The following PARD3 variants were observed in gnomAD, a reference collection of about 807,000 sequenced individuals.
PARD3 encodes the protein partitioning defective 3 homolog.
In PARD3, 75 loss-of-function variants were observed where a neutral mutation model predicts 155.4. The ratio of observed to expected loss-of-function variants is 0.48; its 90% CI spans 0.40 to 0.58. The LOEUF (loss-of-function observed/expected upper bound fraction) is 0.58. Among genes scored for constraint, PARD3 ranks in the 20% least tolerant of loss-of-function variants. The pLI is 0.00. For synonymous variants in PARD3, 576 were observed against 610.5 expected, an observed-to-expected ratio of 0.94 and a Z score of 0.83; for missense variants, 1,642 against 1,721.7, an observed-to-expected ratio of 0.95 and a Z score of 0.82.
At chr10:34,651,011 C>CAAAAAAAAAAAAAAAAAAAAAAAAAA (rs60113552) in intron 2 of PARD3, among the ~76,000 whole-genome samples, 3 of 44,546 alleles carry the variant, frequency 6.7e-5, no homozygotes, top group Non-Finnish European at 1.2e-4. Context: ...AACTCTGTCT[C>CAAAAAAAAAAAAAAAAAAAAAAAAAA]AAAAAAAAAA....
At chr10:34,343,119 GAAATAT>G (rs749136381) in intron 15 of PARD3, 261 of 169,032 alleles carry the variant, frequency 1.5e-3, no homozygotes, top group Non-Finnish European at 2.2e-3. Context: ...TATTAGCCAA[GAAATAT>G]TTCCTTCTCA....
chr10:34,121,530 C>A (rs926166403), intron 23 of PARD3, among the ~76,000 whole-genome samples: 2 of 152,224 alleles, frequency 1.3e-5, no homozygotes, highest in Non-Finnish European at 2.9e-5. Context: ...AGAGTCTGAA[C>A]ATTCATTTGG....
intron 5 of PARD3, among the ~76,000 whole-genome samples, chr10:34,446,990 C>G (rs2076772208): frequency 6.6e-6 from 1 of 151,972 alleles, no homozygotes; most frequent in Non-Finnish European, 1.5e-5. Context: ...ATTAATAAAG[C>G]AACTAAACCC....
chr10:34,414,912 C>T (rs1309121015), intron 5 of PARD3, among the ~76,000 whole-genome samples: 5 of 152,238 alleles, frequency 3.3e-5, no homozygotes, highest in African/African-American at 9.6e-5. Context: ...TATACCATAA[C>T]TCTTCCAGGG....
chr10:34,694,612 A>G (rs2094131670), intron 2 of PARD3, among the ~76,000 whole-genome samples: 2 of 151,444 alleles, frequency 1.3e-5, no homozygotes, highest in Non-Finnish European at 2.9e-5. Context: ...CTGGGACTAC[A>G]GGCACCCGCC....
intron 22 of PARD3, among the ~76,000 whole-genome samples, chr10:34,163,821 A>G (rs1482436645): frequency 6.6e-6 from 1 of 152,238 alleles, no homozygotes; most frequent in Non-Finnish European, 1.5e-5. Flanking sequence ...TTTTACAGCA[A>G]GGATCTACTG....
intron 1 of PARD3, among the ~76,000 whole-genome samples, chr10:34,720,158 C>T (rs1359809042): frequency 6.6e-6 from 1 of 152,200 alleles, no homozygotes; most frequent in African/African-American, 2.4e-5. Flanking sequence ...TGCAAACGGG[C>T]ACGGCGGCTC....
At chr10:34,204,088 C>T (rs1412798813) in intron 22 of PARD3, among the ~76,000 whole-genome samples, 1 of 152,138 alleles carries the variant, frequency 6.6e-6, no homozygotes. Flanking sequence ...TCTCACTTAG[C>T]AAATGGAAGG....
chr10:34,553,761 T>A (rs1482446334), intron 2 of PARD3, among the ~76,000 whole-genome samples: 1 of 152,166 alleles, frequency 6.6e-6, no homozygotes, highest in Non-Finnish European at 1.5e-5. Context: ...TCAAATTAGC[T>A]CAACACATAA....
chr10:34,693,525 T>G (rs1414050056), intron 2 of PARD3, among the ~76,000 whole-genome samples: 1 of 152,140 alleles, frequency 6.6e-6, no homozygotes, highest in East Asian at 1.9e-4. Context: ...ATGCATGATC[T>G]CACGTGGACA....
chr10:34,435,110 CTAATAT>C (rs2076122845), intron 5 of PARD3, among the ~76,000 whole-genome samples: 1 of 152,072 alleles, frequency 6.6e-6, no homozygotes, highest in South Asian at 2.1e-4. Context: ...CATTTGATAT[CTAATAT>C]TAATTTAATA....
chr10:34,701,404 A>T (rs1554815393), intron 1 of PARD3, among the ~76,000 whole-genome samples: 1 of 152,008 alleles, frequency 6.6e-6, no homozygotes, highest in Non-Finnish European at 1.5e-5. Context: ...AAAGACAAAG[A>T]GAACAGAGGG....
intron 2 of PARD3, among the ~76,000 whole-genome samples, chr10:34,630,688 C>A (rs149136188): frequency 0.012 from 1,831 of 152,104 alleles, 40 homozygotes; most frequent in African/African-American, 0.041. Flanking sequence ...AAGCGATCCT[C>A]CCACCTTGGC....
At chr10:34,448,890 T>C (rs1247862977) in intron 5 of PARD3, among the ~76,000 whole-genome samples, 1 of 151,820 alleles carries the variant, frequency 6.6e-6, no homozygotes, top group Non-Finnish European at 1.5e-5. Context: ...CACAAAATTA[T>C]ATCTATGTAA....
intron 22 of PARD3, among the ~76,000 whole-genome samples, chr10:34,220,917 A>C (rs1386505716): frequency 1.3e-5 from 2 of 152,136 alleles, no homozygotes; most frequent in Non-Finnish European, 2.9e-5. Context: ...AGAGCTATTG[A>C]ATGTGAGGAA....
At chr10:34,334,238 C>T (rs1450240984) in intron 18 of PARD3, among the ~76,000 whole-genome samples, 1 of 143,594 alleles carries the variant, frequency 7.0e-6, no homozygotes, top group Non-Finnish European at 1.5e-5. Context: ...TATTTATCCC[C>T]AAAATATGAT....
At chr10:34,584,358 C>T (rs1054669685) in intron 2 of PARD3, among the ~76,000 whole-genome samples, 15 of 152,152 alleles carry the variant, frequency 9.9e-5, no homozygotes, top group African/African-American at 3.1e-4. Flanking sequence ...GGCAGAAAGA[C>T]CTAGGACTTT....
chr10:34,802,189 A>G (rs1270981113), intron 1 of PARD3, among the ~76,000 whole-genome samples: 1 of 152,202 alleles, frequency 6.6e-6, no homozygotes, highest in Admixed American at 6.5e-5. Context: ...TTGACCTGTA[A>G]AAGAATCAGC....
At chr10:34,281,070 T>C (rs983046815) in intron 21 of PARD3, among the ~76,000 whole-genome samples, 7 of 152,092 alleles carry the variant, frequency 4.6e-5, no homozygotes, top group African/African-American at 1.7e-4. Flanking sequence ...AGCCAACGTG[T>C]GATGCTTGGT....
Sources: gnomAD v4.1 joint callset for allele counts (sites outside exome capture counted in the v4.1 genomes callset) on GRCh38, gnomAD v4.1.1 for gene constraint, MANE v1.5 for transcripts, NCBI Gene and HGNC (gene_info 2026-07-23, HGNC 2026-07-21) for gene names.